The following ARHGAP19 variants were observed in gnomAD, a reference collection of about 807,000 sequenced individuals.
ARHGAP19 encodes the protein rho GTPase-activating protein 19.
A neutral mutation model predicts 60.9 loss-of-function variants in ARHGAP19; 48 were observed. That is an observed-to-expected ratio of 0.79 (90% CI 0.62 to 1.00). The LOEUF is 1.00. ARHGAP19 is among the 50% of genes least tolerant of loss of function. The pLI is 0.00. For synonymous variants in ARHGAP19, 209 were observed against 215.5 expected (o/e 0.97, Z 0.27); for missense variants, 562 against 597.2 (o/e 0.94, Z 0.61).
chr10:97,262,104 C>A (rs1842836718), intron 4 of ARHGAP19, among the ~76,000 whole-genome samples: 1 of 151,454 alleles, frequency 6.6e-6, no homozygotes, highest in Admixed American at 6.6e-5. Flanking sequence ...GCAATCCTAG[C>A]ACTTTGGGAG....
rs758484058 is a variant in ARHGAP19 at position 97,226,025 on chromosome 10, A to G, written c.*97T>C. 3.0e-6 allele frequency: 4 copies of G among 1,341,216 alleles called. No homozygotes were observed. The highest frequency in any genetic ancestry group is 1.8e-4 in the Middle Eastern group (1 of 5,510). The allele number at this position is 1,341,216 out of a possible 1,614,324, so 83.1% of individuals were successfully genotyped here. ...GGCTTTGACAATTCAAAATGCAGCA[A>G]GCAAGCTGCAAGTCCAAGCTTTGCT... On this transcript the variant is annotated 3_prime_UTR_variant, in exon 12 of 12. Coordinates refer to ENST00000358531, the MANE Select transcript of ARHGAP19 (RefSeq NM_032900.6).
intron 1 of ARHGAP19, among the ~76,000 whole-genome samples, chr10:97,282,393 T>G (rs1357647646): frequency 1.3e-5 from 2 of 152,228 alleles, no homozygotes; most frequent in Non-Finnish European, 1.5e-5. Context: ...CTAACAACAC[T>G]GAGATTTGAG....
intron 1 of ARHGAP19, among the ~76,000 whole-genome samples, chr10:97,292,096 A>G (rs1450530083): frequency 6.7e-6 from 1 of 148,598 alleles, no homozygotes; most frequent in African/African-American, 2.4e-5. Flanking sequence ...CCCTTTGCAG[A>G]TGAAGAAACT....
In ARHGAP19 at chr10:97,246,298, A is replaced by C. The variant is rs760989226; in HGVS notation, c.967T>G (p.Leu323Val). The change falls in exon 7 of 12, where the codon TTG (leucine) becomes GTG (valine). Residue 323 changes from leucine (L) to valine (V), a missense_variant. Leu to Val is a conservative substitution (Grantham distance 32, BLOSUM62 1). Coordinates refer to ENST00000358531, the MANE Select transcript of ARHGAP19 (RefSeq NM_032900.6). ...YIRECARLHY[L>V]GSRTQASKDD... is the part of the protein sequence containing the mutation. ...TTTGATGCCTGAGTTCTGGATCCCA[A>C]ATAGTGCAATCTCGCACACTCCCGA... 1 of 1,613,950 alleles carries C rather than the reference A, an allele frequency of 6.2e-7. No individual in the cohort carries two copies. Among genetic ancestry groups the C allele is most frequent in the Admixed American group, 1.7e-5 (1 of 59,990 alleles).
In ARHGAP19 at chr10:97,226,052, T is replaced by C; in HGVS notation, c.*70A>G. ...CAAGCTGCAAGTCCAAGCTTTGCTG[T>C]GGGCAGGAATAACACCTGCCCACTA... On this transcript the variant is annotated 3_prime_UTR_variant, in exon 12 of 12. Transcript: ENST00000358531. 1.3e-6 allele frequency: 2 copies of C among 1,539,342 alleles called. No individual in the cohort carries two copies. The highest frequency in any genetic ancestry group is 1.8e-6 in the Non-Finnish European group (2 of 1,122,064).
chr10:97,257,832 A>G (rs1171008256), intron 5 of ARHGAP19, among the ~76,000 whole-genome samples: 1 of 151,784 alleles, frequency 6.6e-6, no homozygotes, highest in Non-Finnish European at 1.5e-5. Context: ...TCCTTTTCTC[A>G]TTACTTATAA....
In ARHGAP19 at chr10:97,226,104, G is replaced by A. The variant is rs1356156594; in HGVS notation, c.*18C>T. The A allele has an allele frequency of 1.2e-6, 2 of 1,613,578 alleles. No homozygotes were observed. The highest frequency in any genetic ancestry group is 1.7e-6 in the Non-Finnish European group (2 of 1,179,646). ...ACAGAAAATTCTGCATGGACCATAG[G>A]AGACAACTCTGGATCCTTCAGAGAA... On this transcript the variant is annotated 3_prime_UTR_variant, in exon 12 of 12. Transcript: ENST00000358531.
Position 97,243,759 on chromosome 10 carries a change from G to C in ARHGAP19, c.1185+209C>G, listed in dbSNP as rs112608089. ...AATGAGAGACTCTCTAACCACACTT[G>C]GATCCTCCTGCTTAACTAGAAATCA... On this transcript the variant is annotated intron_variant, in intron 8 of 11. Transcript: ENST00000358531. 2.8e-3 allele frequency among the ~76,000 whole-genome samples: 423 copies of C among 152,228 alleles called. 2 individuals are homozygous for C. The highest frequency in any genetic ancestry group is 9.0e-3 in the African/African-American group (372 of 41,546).
At chr10:97,241,784 C>A (rs946024987) in intron 8 of ARHGAP19, among the ~76,000 whole-genome samples, 2 of 151,734 alleles carry the variant, frequency 1.3e-5, no homozygotes, top group Admixed American at 6.6e-5. Context: ...CCGAGGTGGG[C>A]GGATCACAAG....
At chr10:97,290,313 C>T (rs1843214864) in intron 1 of ARHGAP19, among the ~76,000 whole-genome samples, 1 of 152,240 alleles carries the variant, frequency 6.6e-6, no homozygotes, top group African/African-American at 2.4e-5. Flanking sequence ...AGGGTGTCTG[C>T]TGTGCTCCTG....
chr10:97,279,564 C>T (rs949027242), intron 1 of ARHGAP19, among the ~76,000 whole-genome samples: 5 of 152,088 alleles, frequency 3.3e-5, no homozygotes, highest in African/African-American at 1.2e-4. Context: ...GCAATCATGA[C>T]TCACTGTAGC....
intron 8 of ARHGAP19, among the ~76,000 whole-genome samples, chr10:97,237,503 A>G (rs1842401020): frequency 6.6e-6 from 1 of 152,162 alleles, no homozygotes; most frequent in Non-Finnish European, 1.5e-5. Context: ...TGCTGGAATA[A>G]ACAAACCTAC....
rs74152153 is a variant in ARHGAP19, at chr10:97,274,825, A to C, written c.57-8700T>G. Among the ~76,000 whole-genome samples, 1,455 of 152,300 alleles carry C rather than the reference A, an allele frequency of 9.6e-3. 23 individuals carry two copies. Among genetic ancestry groups the C allele is most frequent in the African/African-American group, 0.033 (1,378 of 41,556 alleles). ...AGATATGTAGGCATACAGAAATAAC[A>C]AGGGCTCTGGGCAACTATCCCAAAG... On this transcript the variant is annotated intron_variant, in intron 1 of 11. Transcript: ENST00000358531.
intron 7 of ARHGAP19, among the ~76,000 whole-genome samples, chr10:97,245,250 G>A (rs562264357): frequency 6.5e-4 from 99 of 152,070 alleles, no homozygotes; most frequent in African/African-American, 2.2e-3. Context: ...CAAGTGATCC[G>A]CCTACCTTGG....
At chr10:97,272,131 C>CTTTTTTTTTTTTTTTTTTTT (rs35980234) in intron 1 of ARHGAP19, among the ~76,000 whole-genome samples, 1 of 85,634 alleles carries the variant, frequency 1.2e-5, no homozygotes, top group Non-Finnish European at 2.0e-5. Context: ...GGAAATATGT[C>CTTTTTTTTTTTTTTTTTTTT]TTTTTTTTTT....
chr10:97,249,930 G>A (rs1240932646), intron 6 of ARHGAP19, among the ~76,000 whole-genome samples: 1 of 151,466 alleles, frequency 6.6e-6, no homozygotes, highest in Admixed American at 6.6e-5. Flanking sequence ...TCTCCCAGGG[G>A]CCTGCCACCG....
At chr10:97,283,174 T>G (rs1356225432) in intron 1 of ARHGAP19, among the ~76,000 whole-genome samples, 1 of 152,098 alleles carries the variant, frequency 6.6e-6, no homozygotes, top group Admixed American at 6.6e-5. Flanking sequence ...CTAGCTGAAT[T>G]TAGTTTATAT....
intron 8 of ARHGAP19, among the ~76,000 whole-genome samples, chr10:97,242,724 G>A (rs189996838): frequency 6.6e-6 from 1 of 152,272 alleles, no homozygotes; most frequent in Non-Finnish European, 1.5e-5. Flanking sequence ...ATGTTAGTCA[G>A]GCTGGTCTCA....
intron 1 of ARHGAP19, among the ~76,000 whole-genome samples, chr10:97,270,886 C>A (rs1842952041): frequency 6.6e-6 from 1 of 152,162 alleles, no homozygotes; most frequent in Non-Finnish European, 1.5e-5. Context: ...AAGCAGACTC[C>A]CATCACCACT....
Sources: gnomAD v4.1 joint callset for allele counts (sites outside exome capture counted in the v4.1 genomes callset) on GRCh38, gnomAD v4.1.1 for gene constraint, MANE v1.5 for transcripts, NCBI Gene and HGNC (gene_info 2026-07-23, HGNC 2026-07-21) for gene names.